Variants in PACSIN1 observed in about 807,000 individuals in gnomAD.
PACSIN1 encodes protein kinase C and casein kinase substrate in neurons protein 1.
In PACSIN1, 15 loss-of-function variants were observed where a neutral mutation model predicts 59.5. The observed-to-expected ratio is 0.25, with a 90% CI of 0.17 to 0.39. The LOEUF is 0.39. Among genes scored for constraint, PACSIN1 ranks in the 10% least tolerant of loss-of-function variants. The probability of loss-of-function intolerance (pLI) is 1.00; values close to 1 mark genes in which losing one functional copy is unlikely to be tolerated. For synonymous variants in PACSIN1, 210 were observed against 220.6 expected, an observed-to-expected ratio of 0.95 and a Z score of 0.42; for missense variants, 420 against 580.2, an observed-to-expected ratio of 0.72 and a Z score of 2.84.
chr6:34,471,957 G>A (rs1264166831), intron 1 of PACSIN1, among the ~76,000 whole-genome samples: 2 of 152,192 alleles, frequency 1.3e-5, no homozygotes, highest in African/African-American at 4.8e-5. Flanking sequence ...TGGGGACACT[G>A]AGACAAGATG....
At chr6:34,478,154 G>A (rs934319976) in intron 1 of PACSIN1, among the ~76,000 whole-genome samples, 10 of 151,200 alleles carry the variant, frequency 6.6e-5, no homozygotes, top group Non-Finnish European at 1.3e-4. Flanking sequence ...CCGGCTCCCG[G>A]GTTCCAGCGA....
intron 1 of PACSIN1, 32 bp from the exon 2 acceptor site, chr6:34,526,211 C>T (rs1379152527): frequency 2.9e-6 from 3 of 1,046,126 alleles, no homozygotes; most frequent in African/African-American, 1.6e-5. Context: ...GCCCTTCCCT[C>T]ATCTCCAGGG....
chr6:34,504,595 G>A (rs986084532), intron 1 of PACSIN1, among the ~76,000 whole-genome samples: 1 of 152,100 alleles, frequency 6.6e-6, no homozygotes, highest in Non-Finnish European at 1.5e-5. Context: ...AGGCCGTAAT[G>A]TTATAATTTT....
intron 1 of PACSIN1, among the ~76,000 whole-genome samples, chr6:34,489,640 G>A (rs1766845795): frequency 1.3e-5 from 2 of 152,186 alleles, no homozygotes; most frequent in South Asian, 4.1e-4. Flanking sequence ...AGGGACCAGT[G>A]AGACTACCAC....
intron 1 of PACSIN1, among the ~76,000 whole-genome samples, chr6:34,469,397 G>C (rs1766540797): frequency 6.6e-6 from 1 of 152,150 alleles, no homozygotes; most frequent in Non-Finnish European, 1.5e-5. Flanking sequence ...ATGGACCGGA[G>C]GGGAGGTCTG....
intron 1 of PACSIN1, among the ~76,000 whole-genome samples, chr6:34,478,358 C>CTATTTATCTTCTT (rs1766668622): frequency 7.0e-6 from 1 of 142,904 alleles, no homozygotes; most frequent in Non-Finnish European, 1.5e-5. Context: ...CACGCCGAGC[C>CTATTTATCTTCTT]TATTTATCTT....
chr6:34,468,848 C>T (rs1159084097), intron 1 of PACSIN1, among the ~76,000 whole-genome samples: 3 of 152,312 alleles, frequency 2.0e-5, no homozygotes, highest in African/African-American at 2.4e-5. Flanking sequence ...GTGCTGTTTC[C>T]GGTGGCCCCA....
chr6:34,506,971 T>C (rs1240155875), intron 1 of PACSIN1, among the ~76,000 whole-genome samples: 1 of 152,142 alleles, frequency 6.6e-6, no homozygotes, highest in African/African-American at 2.4e-5. Context: ...ACCCGGCCTT[T>C]CCTCACAGGG....
intron 1 of PACSIN1, among the ~76,000 whole-genome samples, chr6:34,501,999 T>A (rs1317751454): frequency 4.0e-5 from 5 of 125,126 alleles, no homozygotes; most frequent in South Asian, 2.6e-4. Flanking sequence ...ACCATTGCAC[T>A]CCAGCCCAGG....
At chr6:34,517,044 T>C (rs994902681) in intron 1 of PACSIN1, among the ~76,000 whole-genome samples, 2 of 152,082 alleles carry the variant, frequency 1.3e-5, no homozygotes, top group Admixed American at 6.5e-5. Flanking sequence ...TCCATGGGCA[T>C]CTCAGGGCTC....
Position 34,530,596 on chromosome 6 carries a change from C to G in PACSIN1, c.1037+9C>G, listed in dbSNP as rs190232323. On this transcript the variant is annotated intron_variant, in intron 8 of 9. Transcript: ENST00000244458. The surrounding 1 kb of genome is among the most constrained non-coding windows in gnomAD (Gnocchi z 4.4). Reference sequence around the variant, plus strand: ...GCTGGGGACCGCGGCAGGTGAGTGCCTCCTGTGGAGCTTCCTGGGGCCAAG... The same window carrying G: ...GCTGGGGACCGCGGCAGGTGAGTGCGTCCTGTGGAGCTTCCTGGGGCCAAG... 1.2e-4 allele frequency: 187 copies of G among 1,551,576 alleles called. 1 individual carries two copies. In the East Asian group the frequency reaches 3.2e-3, roughly 27 times the overall value.
At chr6:34,520,336 A>G (rs558989296) in intron 1 of PACSIN1, among the ~76,000 whole-genome samples, 1 of 152,148 alleles carries the variant, frequency 6.6e-6, no homozygotes, top group Admixed American at 6.5e-5. Flanking sequence ...AGGACCTGAG[A>G]CCCTGGGGGA....
chr6:34,522,447 C>T (rs923804091), intron 1 of PACSIN1, among the ~76,000 whole-genome samples: 1 of 152,142 alleles, frequency 6.6e-6, no homozygotes, highest in Non-Finnish European at 1.5e-5. Context: ...CAGGAGTGTG[C>T]GCTCTGGATC....
intron 1 of PACSIN1, among the ~76,000 whole-genome samples, chr6:34,474,651 G>A (rs1766613242): frequency 6.6e-6 from 1 of 152,108 alleles, no homozygotes; most frequent in African/African-American, 2.4e-5. Flanking sequence ...TTAGCCAGGT[G>A]TGATGGCACA....
chr6:34,489,312 T>C (rs1766838132), intron 1 of PACSIN1, among the ~76,000 whole-genome samples: 1 of 152,168 alleles, frequency 6.6e-6, no homozygotes, highest in Admixed American at 6.5e-5. Context: ...TTAAAATCTA[T>C]TCTTGTAGCA....
chr6:34,498,052 T>TTTTG (rs34953853), intron 1 of PACSIN1, among the ~76,000 whole-genome samples: 15,264 of 151,390 alleles, frequency 0.1, 877 homozygotes, highest in Non-Finnish European at 0.13. Flanking sequence ...TTTTTGTTTG[T>TTTTG]TTTGTTTGTT....
chr6:34,491,385 G>C (rs1203397599), intron 1 of PACSIN1, among the ~76,000 whole-genome samples: 1 of 152,046 alleles, frequency 6.6e-6, no homozygotes, highest in Non-Finnish European at 1.5e-5. Context: ...CCTGCTACCT[G>C]CTGGGTTCCA....
intron 1 of PACSIN1, among the ~76,000 whole-genome samples, chr6:34,473,231 C>CG (rs1382105667): frequency 1.6e-3 from 124 of 79,200 alleles, no homozygotes; most frequent in Non-Finnish European, 2.1e-3. Flanking sequence ...GGGCGGGGGG[C>CG]GGGGGGGTAC....
chr6:34,514,237 A>G lies in PACSIN1; in HGVS notation c.-63-12006A>G, dbSNP rs1767250010. Reference sequence around the variant, plus strand: ...TGCGCTTGAGTGGTGTGTGGCAGCCATGGCCTGTGGGAGAAGTGTCGGAAC... The same window carrying G: ...TGCGCTTGAGTGGTGTGTGGCAGCCGTGGCCTGTGGGAGAAGTGTCGGAAC... On this transcript the variant is annotated intron_variant, in intron 1 of 9. Transcript: ENST00000244458. The surrounding 1 kb of genome is among the most constrained non-coding windows in gnomAD (Gnocchi z 4.4). Among the ~76,000 whole-genome samples, 1 of 151,400 alleles carries G rather than the reference A, an allele frequency of 6.6e-6. No individual in the cohort carries two copies. Among genetic ancestry groups the G allele is most frequent in the African/African-American group, 2.4e-5 (1 of 41,146 alleles).
Sources: gnomAD v4.1 joint callset for allele counts (sites outside exome capture counted in the v4.1 genomes callset) on GRCh38, gnomAD v4.1.1 for gene constraint, Gnocchi (gnomAD v3.1) non-coding constraint, MANE v1.5 for transcripts, NCBI Gene and HGNC (gene_info 2026-07-23, HGNC 2026-07-21) for gene names.